NKAIN2: variants seen among roughly 807,000 people sequenced by gnomAD.
NKAIN2 encodes sodium/potassium transporting ATPase interacting 2.
In NKAIN2, 14 loss-of-function variants were observed where a neutral mutation model predicts 32.6. The observed-to-expected ratio is 0.43, with a 90% CI of 0.28 to 0.67. NKAIN2 has a LOEUF of 0.67. Among genes scored for constraint, NKAIN2 ranks in the 30% least tolerant of loss-of-function variants. The pLI is 0.17. For missense variants in NKAIN2, 198 were observed against 258.3 expected (o/e 0.77, Z 1.60); for synonymous variants, 80 against 87.2 (o/e 0.92, Z 0.46).
chr6:124,485,436 A>G (rs1234959464), intron 3 of NKAIN2, among the ~76,000 whole-genome samples: 1 of 152,142 alleles, frequency 6.6e-6, no homozygotes, highest in Non-Finnish European at 1.5e-5. Context: ...TCTCATTCAA[A>G]AAAAATTTAC....
chr6:124,096,081 A>G (rs766865103), intron 1 of NKAIN2, among the ~76,000 whole-genome samples: 8 of 152,186 alleles, frequency 5.3e-5, no homozygotes, highest in Non-Finnish European at 1.0e-4. Context: ...TAATGAAGTG[A>G]ATAATAGTTT....
Position 124,267,501 on chromosome 6 carries a change from A to G in NKAIN2, c.55-15504A>G, listed in dbSNP as rs74981828. ...GTCTCTAAAAAAAAAAAAAAAAAAA[A>G]AGAGAAAGTATTTTTCCTAAACAAC... On this transcript the variant is annotated intron_variant, in intron 1 of 6. Coordinates refer to ENST00000368417, the MANE Select transcript of NKAIN2 (RefSeq NM_001040214.3). Among the ~76,000 whole-genome samples the G allele has an allele frequency of 1.0e-3, 159 of 151,630 alleles. No homozygotes were observed. The East Asian group carries it at 0.018, about 18-fold the overall frequency.
chr6:124,297,164 G>T (rs1293867737), intron 2 of NKAIN2, among the ~76,000 whole-genome samples: 1 of 152,062 alleles, frequency 6.6e-6, no homozygotes, highest in Non-Finnish European at 1.5e-5. Flanking sequence ...TAGGGGTTAG[G>T]GATGCTGACC....
intron 1 of NKAIN2, among the ~76,000 whole-genome samples, chr6:124,226,190 GT>G (rs964660406): frequency 4.6e-5 from 7 of 151,808 alleles, no homozygotes; most frequent in African/African-American, 1.7e-4. Flanking sequence ...GTCAGTGGCT[GT>G]TTTTTAAAAA....
At chr6:123,902,823 T>C (rs73551380) in intron 1 of NKAIN2, among the ~76,000 whole-genome samples, 3,361 of 152,352 alleles carry the variant, frequency 0.022, 122 homozygotes, top group African/African-American at 0.076. Context: ...TAATTGATTT[T>C]AATCTAGCTT....
At chr6:124,184,862 T>C (rs1162259556) in intron 1 of NKAIN2, among the ~76,000 whole-genome samples, 1 of 152,110 alleles carries the variant, frequency 6.6e-6, no homozygotes, top group Non-Finnish European at 1.5e-5. Context: ...CTGTTAACCA[T>C]GGATTTTAGT....
At chr6:123,973,867 T>C (rs1201048816) in intron 1 of NKAIN2, among the ~76,000 whole-genome samples, 1 of 151,896 alleles carries the variant, frequency 6.6e-6, no homozygotes, top group Admixed American at 6.6e-5. Context: ...CTCTGAAAAA[T>C]GAAGGAAAGC....
chr6:124,136,500 A>G (rs1247895531), intron 1 of NKAIN2, among the ~76,000 whole-genome samples: 5 of 152,200 alleles, frequency 3.3e-5, no homozygotes, highest in African/African-American at 1.2e-4. Flanking sequence ...TCCCTAAATC[A>G]CTCTATGAAG....
At chr6:124,340,657 T>C (rs912642536) in intron 2 of NKAIN2, among the ~76,000 whole-genome samples, 1 of 152,190 alleles carries the variant, frequency 6.6e-6, no homozygotes, top group African/African-American at 2.4e-5. Context: ...CTGTGTTAGT[T>C]TGCTAAGGAT....
intron 1 of NKAIN2, among the ~76,000 whole-genome samples, chr6:123,966,272 G>T (rs1778075696): frequency 6.6e-6 from 1 of 152,112 alleles, no homozygotes; most frequent in Admixed American, 6.6e-5. Flanking sequence ...TCAGTTGCTT[G>T]CCATCTTCTG....
At chr6:124,076,008 T>C (rs1783679796) in intron 1 of NKAIN2, among the ~76,000 whole-genome samples, 1 of 152,236 alleles carries the variant, frequency 6.6e-6, no homozygotes, top group African/African-American at 2.4e-5. Flanking sequence ...GAACAATCTG[T>C]TTATTGTATA....
intron 4 of NKAIN2, among the ~76,000 whole-genome samples, chr6:124,715,626 G>A (rs1287182877): frequency 1.3e-5 from 2 of 152,198 alleles, no homozygotes; most frequent in Non-Finnish European, 2.9e-5. Flanking sequence ...GACGAGCTTG[G>A]AGAATCAAGG....
intron 1 of NKAIN2, among the ~76,000 whole-genome samples, chr6:124,082,652 T>A (rs144455509): frequency 6.6e-6 from 1 of 152,040 alleles, no homozygotes; most frequent in Non-Finnish European, 1.5e-5. Flanking sequence ...AAAAAAGATC[T>A]TTAATAGAGT....
intron 1 of NKAIN2, among the ~76,000 whole-genome samples, chr6:123,935,886 A>G (rs1776482163): frequency 6.6e-6 from 1 of 152,064 alleles, no homozygotes; most frequent in Non-Finnish European, 1.5e-5. Context: ...GAATAGCCAT[A>G]CTTGCCATGG....
intron 1 of NKAIN2, among the ~76,000 whole-genome samples, chr6:124,058,731 G>GA (rs1582554123): frequency 2.6e-5 from 4 of 152,020 alleles, no homozygotes; most frequent in East Asian, 3.9e-4. Flanking sequence ...GGAAGAAAGA[G>GA]AAAAATAATA....
intron 3 of NKAIN2, among the ~76,000 whole-genome samples, chr6:124,536,087 A>C (rs1181373277): frequency 6.6e-6 from 1 of 152,232 alleles, no homozygotes; most frequent in Non-Finnish European, 1.5e-5. Context: ...TTACAAGCAG[A>C]AAATAACTAC....
chr6:124,185,003 T>G (rs1789641891), intron 1 of NKAIN2, among the ~76,000 whole-genome samples: 1 of 152,180 alleles, frequency 6.6e-6, no homozygotes, highest in Non-Finnish European at 1.5e-5. Flanking sequence ...TTCAAATTTA[T>G]GACATACTAA....
At chr6:124,243,566 A>G (rs527373774) in intron 1 of NKAIN2, among the ~76,000 whole-genome samples, 10 of 152,158 alleles carry the variant, frequency 6.6e-5, no homozygotes, top group African/African-American at 2.2e-4. Context: ...TTGGCAGCCA[A>G]TGTATTGGAA....
intron 1 of NKAIN2, among the ~76,000 whole-genome samples, chr6:124,271,963 C>A (rs571970007): frequency 6.6e-6 from 1 of 152,252 alleles, no homozygotes; most frequent in African/African-American, 2.4e-5. Context: ...AGCAGTGAAG[C>A]ATTCAAGAGG....
Sources: gnomAD v4.1 joint callset for allele counts (sites outside exome capture counted in the v4.1 genomes callset) on GRCh38, gnomAD v4.1.1 for gene constraint, MANE v1.5 for transcripts, NCBI Gene and HGNC (gene_info 2026-07-23, HGNC 2026-07-21) for gene names.